Variants in CABLES1 observed in about 807,000 individuals in gnomAD.
CABLES1 encodes the protein CDK5 and ABL1 enzyme substrate 1.
In CABLES1, 36 loss-of-function variants were observed where a neutral mutation model predicts 57.8. The ratio of observed to expected loss-of-function variants is 0.62; its 90% CI spans 0.48 to 0.82. The LOEUF (loss-of-function observed/expected upper bound fraction) is 0.82, where lower values mean the gene tolerates loss of function less well. Among genes scored for constraint, CABLES1 ranks in the 40% least tolerant of loss-of-function variants. CABLES1 has a pLI of 0.00. For synonymous variants in CABLES1, 374 were observed against 363.0 expected, an observed-to-expected ratio of 1.03 and a Z score of -0.35; for missense variants, 767 against 836.6, an observed-to-expected ratio of 0.92 and a Z score of 1.03.
chr18:23,164,681 T>G (rs1448719152), intron 1 of CABLES1, among the ~76,000 whole-genome samples: 1 of 152,082 alleles, frequency 6.6e-6, no homozygotes, highest in East Asian at 1.9e-4. Context: ...GCAGGATAAT[T>G]TTTTTTAATT....
intron 4 of CABLES1, among the ~76,000 whole-genome samples, chr18:23,233,211 G>C (rs2145080086): frequency 6.6e-6 from 1 of 152,306 alleles, no homozygotes; most frequent in Admixed American, 6.5e-5. Context: ...CATGCCAACT[G>C]CCTGGGGGTG....
At chr18:23,182,790 T>G (rs1383645772) in intron 1 of CABLES1, among the ~76,000 whole-genome samples, 1 of 152,208 alleles carries the variant, frequency 6.6e-6, no homozygotes, top group Non-Finnish European at 1.5e-5. Context: ...CCCAGGTGAC[T>G]GCATAGGGGA....
intron 1 of CABLES1, among the ~76,000 whole-genome samples, chr18:23,184,645 G>A (rs1187827210): frequency 1.3e-5 from 2 of 152,202 alleles, no homozygotes; most frequent in Non-Finnish European, 2.9e-5. Flanking sequence ...AGAGGTTGCA[G>A]TGAGCCAAGA....
intron 1 of CABLES1, among the ~76,000 whole-genome samples, chr18:23,147,179 A>G (rs981611696): frequency 2.0e-5 from 3 of 152,248 alleles, no homozygotes; most frequent in Non-Finnish European, 4.4e-5. Context: ...GCTTGGTATC[A>G]GTTCCTCCCG....
intron 7 of CABLES1, among the ~76,000 whole-genome samples, chr18:23,246,394 T>A (rs2047881283): frequency 3.3e-5 from 5 of 152,120 alleles, no homozygotes; most frequent in Admixed American, 3.3e-4. Context: ...AGTTTTTGTT[T>A]TTTGGTTTTT....
rs189740624 is a variant in CABLES1 at position 23,154,708 on chromosome 18, T to G, written c.845+18101T>G. ...TTGAACTTTAGAGAATTGAGTTTTCTCACCAAGTCATGTAGAGCAGGGATC... is the reference window on the plus strand; with the variant it reads ...TTGAACTTTAGAGAATTGAGTTTTCGCACCAAGTCATGTAGAGCAGGGATC... On this transcript the variant is annotated intron_variant, in intron 1 of 9. Coordinates refer to ENST00000256925, the MANE Select transcript of CABLES1 (RefSeq NM_001100619.3). Among the ~76,000 whole-genome samples the G allele has an allele frequency of 6.4e-3, 981 of 152,304 alleles. 10 individuals are homozygous for G. Among genetic ancestry groups the G allele is most frequent in the Non-Finnish European group, 8.5e-3 (578 of 68,010 alleles).
intron 1 of CABLES1, among the ~76,000 whole-genome samples, chr18:23,173,695 G>A (rs910243057): frequency 6.6e-6 from 1 of 152,242 alleles, no homozygotes; most frequent in Non-Finnish European, 1.5e-5. Flanking sequence ...GGGCGCAGTG[G>A]CTCATGCCTG....
chr18:23,234,641 T>C lies in CABLES1; in HGVS notation c.1122T>C (p.Thr374=), dbSNP rs1436083933. 1 of 1,613,822 alleles carries C rather than the reference T, an allele frequency of 6.2e-7. No individual in the cohort carries two copies. The highest frequency in any genetic ancestry group is 8.5e-7 in the Non-Finnish European group (1 of 1,179,864). Residue 374 remains threonine (T), a synonymous_variant, in exon 5 of 10, where the codon ACT becomes ACC. Coordinates refer to ENST00000256925, the MANE Select transcript of CABLES1 (RefSeq NM_001100619.3). ...DLKLDGGRQS[T]GAVSLKEIIG... The stretch of plus-strand genomic sequence containing the variant: ...AGTTGGACGGAGGAAGACAATCAAC[T>C]GGTGCAGTGAGTTTGAAAGAGATCA...
chr18:23,151,811 A>G (rs1438280186), intron 1 of CABLES1, among the ~76,000 whole-genome samples: 3 of 152,212 alleles, frequency 2.0e-5, no homozygotes, highest in Non-Finnish European at 2.9e-5. Flanking sequence ...GGTGCAGACC[A>G]GGGCCAGAAG....
At chr18:23,182,542 G>A (rs369966331) in intron 1 of CABLES1, among the ~76,000 whole-genome samples, 5 of 152,262 alleles carry the variant, frequency 3.3e-5, no homozygotes, top group South Asian at 4.1e-4. Context: ...AGCCACACCC[G>A]GACCAGTAAA....
intron 1 of CABLES1, among the ~76,000 whole-genome samples, chr18:23,156,685 C>T (rs1225165747): frequency 6.6e-6 from 1 of 152,180 alleles, no homozygotes; most frequent in Non-Finnish European, 1.5e-5. Context: ...ATACCTTGTC[C>T]TAGGTGCATT....
rs1237240331 is a variant in CABLES1 at position 23,135,597 on chromosome 18, C to T, written c.-166C>T. On this transcript the variant is annotated 5_prime_UTR_variant, in exon 1 of 10. Coordinates refer to ENST00000256925, the MANE Select transcript of CABLES1 (RefSeq NM_001100619.3). ...GCGGCGGCGCCCCCATCCCCAGCAC[C>T]GAGGGGCGAGCATGGCCCGCCCGCG... is the stretch of plus-strand genomic sequence containing the variant. 8.4e-6 allele frequency: 3 copies of T among 355,464 alleles called. No individual in the cohort carries two copies. Among genetic ancestry groups the T allele is most frequent in the African/African-American group, 2.2e-5 (1 of 44,892 alleles). The allele number at this position is 355,464 out of a possible 1,614,324, so 22.0% of individuals were successfully genotyped here.
intron 1 of CABLES1, among the ~76,000 whole-genome samples, chr18:23,149,472 G>C (rs1179923249): frequency 6.6e-6 from 1 of 152,038 alleles, no homozygotes; most frequent in East Asian, 1.9e-4. Context: ...AGTGGAGACA[G>C]GGTTTCACCA....
At chr18:23,228,131 G>T (rs113340463) in intron 4 of CABLES1, among the ~76,000 whole-genome samples, 2 of 152,140 alleles carry the variant, frequency 1.3e-5, no homozygotes, top group Non-Finnish European at 2.9e-5. Context: ...ATATTAATTA[G>T]TTCATTGATC....
chr18:23,229,068 G>A (rs889603734), intron 4 of CABLES1, among the ~76,000 whole-genome samples: 1 of 152,184 alleles, frequency 6.6e-6, no homozygotes, highest in Non-Finnish European at 1.5e-5. Context: ...ATATTCATGT[G>A]TAGTATTTGA....
At chr18:23,219,342 C>T in intron 4 of CABLES1, 1 of 454,092 alleles carries the variant, frequency 2.2e-6, no homozygotes, top group Non-Finnish European at 4.4e-6. Flanking sequence ...CTGATTAGAG[C>T]AGAGGAAGGA....
chr18:23,249,029 T>G (rs2047973653), intron 7 of CABLES1, among the ~76,000 whole-genome samples: 1 of 152,186 alleles, frequency 6.6e-6, no homozygotes. Flanking sequence ...GGCTGCTGGC[T>G]CCAGATCCGT....
chr18:23,179,632 G>A (rs1310024514), intron 1 of CABLES1, among the ~76,000 whole-genome samples: 3 of 152,250 alleles, frequency 2.0e-5, no homozygotes, highest in Admixed American at 6.5e-5. Context: ...CAGACTCTGT[G>A]GCTCTCCTCT....
rs12969611 is a variant in CABLES1 at position 23,246,553 on chromosome 18, G to C, written c.1447-6407G>C. Among the ~76,000 whole-genome samples, 6 of 151,698 alleles carry C rather than the reference G, an allele frequency of 4.0e-5. No homozygotes were observed. In the East Asian group the frequency reaches 1.2e-3, roughly 30 times the overall value. On this transcript the variant is annotated intron_variant, in intron 7 of 9. Coordinates refer to ENST00000256925, the MANE Select transcript of CABLES1 (RefSeq NM_001100619.3). ...ACTACAGGCACCCGCCACCACACCC[G>C]GCTAATTTTTTGTGTTTTTAGTAGA...
Sources: gnomAD v4.1 joint callset for allele counts (sites outside exome capture counted in the v4.1 genomes callset) on GRCh38, gnomAD v4.1.1 for gene constraint, MANE v1.5 for transcripts, NCBI Gene and HGNC (gene_info 2026-07-23, HGNC 2026-07-21) for gene names.